SLC16A5: variants seen among roughly 807,000 people sequenced by gnomAD.
SLC16A5 encodes the protein monocarboxylate transporter 6.
Under a neutral mutation model 33.2 loss-of-function variants are expected in SLC16A5, and 29 were observed. The observed-to-expected ratio is 0.87, with a 90% CI of 0.65 to 1.19. SLC16A5 has a LOEUF of 1.19. Ranked by LOEUF, SLC16A5 falls within the 50% of genes most tolerant of loss-of-function variation. SLC16A5 has a pLI of 0.00. For missense variants in SLC16A5, 606 were observed against 678.2 expected (o/e 0.89, Z 1.18); for synonymous variants, 248 against 284.1 (o/e 0.87, Z 1.28).
chr17:75,092,590 G>T (rs1361223473), intron 2 of SLC16A5, among the ~76,000 whole-genome samples: 1 of 152,084 alleles, frequency 6.6e-6, no homozygotes, highest in Non-Finnish European at 1.5e-5. Context: ...CTCCCAAAGT[G>T]CTGGGATTAC....
intron 6 of SLC16A5, chr17:75,104,904 C>T (rs2073844782): frequency 1.0e-6 from 1 of 985,340 alleles, no homozygotes; most frequent in African/African-American, 1.7e-5. Flanking sequence ...TGTGTTGCTG[C>T]TCCTACAGCT....
chr17:75,094,970 G>A (rs1290161030), intron 3 of SLC16A5, among the ~76,000 whole-genome samples: 5 of 152,224 alleles, frequency 3.3e-5, no homozygotes, highest in African/African-American at 4.8e-5. Flanking sequence ...GCTCCTGGGA[G>A]CTCTCCAGGG....
intron 2 of SLC16A5, among the ~76,000 whole-genome samples, chr17:75,089,601 A>C (rs1261120192): frequency 6.6e-6 from 1 of 152,028 alleles, no homozygotes; most frequent in Non-Finnish European, 1.5e-5. Flanking sequence ...TAAAAATACA[A>C]AAATTAGCCA....
chr17:75,093,244 G>A, intron 2 of SLC16A5: 1 of 642,250 alleles, frequency 1.6e-6, no homozygotes, highest in East Asian at 2.7e-5. Context: ...TGACTGAGTG[G>A]GCTAGGAGGT....
chr17:75,093,949 G>A (rs2073681122), intron 3 of SLC16A5, 114 bp downstream of exon 3: 3 of 1,434,286 alleles, frequency 2.1e-6, no homozygotes, highest in Non-Finnish European at 2.8e-6. Flanking sequence ...CCTCCTGGGT[G>A]AATTCCTAAG....
chr17:75,103,869 G>T lies in SLC16A5; in HGVS notation c.1154-101G>T, dbSNP rs73350574. The T allele has an allele frequency of 9.8e-4, 1,007 of 1,025,444 alleles. 5 individuals are homozygous for T. In the African/African-American group the frequency reaches 0.015, roughly 15 times the overall value. 63.5% of individuals were successfully genotyped at this position (1,025,444 alleles called of 1,614,324 possible). ...TACTGGGTGTCAGCCACAATTCCTAGTACAGCAGAGACAAAAATAAAATAC... is the reference window on the plus strand; with the variant it reads ...TACTGGGTGTCAGCCACAATTCCTATTACAGCAGAGACAAAAATAAAATAC... On this transcript the variant is annotated intron_variant, in intron 5 of 6. Coordinates refer to ENST00000329783, the MANE Select transcript of SLC16A5 (RefSeq NM_004695.4).
chr17:75,088,944 ACTT>A (rs1444710253), intron 1 of SLC16A5: 1 of 152,134 alleles, frequency 6.6e-6, no homozygotes, highest in Non-Finnish European at 1.5e-5. Context: ...TATCGTCTAA[ACTT>A]CTCCCTGCCC....
chr17:75,106,440 T>C (rs2073863676), downstream of SLC16A5, among the ~76,000 whole-genome samples: 1 of 152,010 alleles, frequency 6.6e-6, no homozygotes, highest in Non-Finnish European at 1.5e-5. Flanking sequence ...ATGAGCCCAC[T>C]TCCTGAAAAC....
downstream of SLC16A5, among the ~76,000 whole-genome samples, chr17:75,108,636 A>G (rs1229188980): frequency 6.6e-6 from 1 of 152,200 alleles, no homozygotes; most frequent in African/African-American, 2.4e-5. Flanking sequence ...GGGCATTGCA[A>G]TGGTAGTATC....
chr17:75,107,552 C>G (rs890735283), downstream of SLC16A5, among the ~76,000 whole-genome samples: 10 of 152,184 alleles, frequency 6.6e-5, no homozygotes, highest in Non-Finnish European at 1.3e-4. Context: ...TGCCTGTAAT[C>G]CCAGCACTTT....
Position 75,093,683 on chromosome 17 carries a change from T to C in SLC16A5, c.47T>C (p.Val16Ala). 1.9e-6 allele frequency: 3 copies of C among 1,613,914 alleles called. No individual in the cohort carries two copies. Among genetic ancestry groups the C allele is most frequent in the Non-Finnish European group, 1.7e-6 (2 of 1,179,978 alleles). Reference sequence around the variant, plus strand: ...GCAGATGGCAGCTGGGCCTGGGTGGTGCTGCTGGCCACCATGGTGACCCAG... The same window carrying C: ...GCAGATGGCAGCTGGGCCTGGGTGGCGCTGCTGGCCACCATGGTGACCCAG... ...ERADGSWAWV[V>A]LLATMVTQGL... Residue 16 changes from valine (V) to alanine (A), a missense_variant, in exon 3 of 7, where the codon GTG becomes GCG. By Grantham distance (64) the Val-to-Ala change is moderately conservative. Transcript: ENST00000329783.
At chr17:75,093,203 AC>A in intron 2 of SLC16A5, 1 of 579,862 alleles carries the variant, frequency 1.7e-6, no homozygotes, top group Non-Finnish European at 3.1e-6. Context: ...GACTACACTG[AC>A]CCCAGAGGTC....
At chr17:75,105,806 ATGT>A in intron 6 of SLC16A5, 71 bp from the exon 7 acceptor site, 1 of 1,469,534 alleles carries the variant, frequency 6.8e-7, no homozygotes, top group Non-Finnish European at 9.1e-7. Context: ...CAGGTTCAGG[ATGT>A]TGTTTGTTGA....
At chr17:75,105,339 A>G in intron 6 of SLC16A5, 2 of 985,420 alleles carry the variant, frequency 2.0e-6, no homozygotes, top group Non-Finnish European at 2.4e-6. Context: ...GAAGCCAGAC[A>G]TTTGACTGAC....
At chr17:75,109,303 T>G (rs954077735), downstream of SLC16A5, among the ~76,000 whole-genome samples, 1 of 152,126 alleles carries the variant, frequency 6.6e-6, no homozygotes. The surrounding 1 kb of genome is among the most constrained non-coding windows in gnomAD (Gnocchi z 5.0). Context: ...TACCCTTTGA[T>G]TTCTGTCCAG....
At chr17:75,098,666 G>C (rs2073751310) in intron 4 of SLC16A5, among the ~76,000 whole-genome samples, 1 of 152,124 alleles carries the variant, frequency 6.6e-6, no homozygotes, top group South Asian at 2.1e-4. Context: ...ATACCCAGAA[G>C]TGGTTATGAG....
downstream of SLC16A5, among the ~76,000 whole-genome samples, chr17:75,106,355 G>A (rs2073862783): frequency 6.6e-6 from 1 of 152,078 alleles, no homozygotes; most frequent in South Asian, 2.1e-4. Flanking sequence ...CAGTTGAATG[G>A]AAAAGGAGGG....
At chr17:75,097,757 T>G (rs532162624) in intron 3 of SLC16A5, among the ~76,000 whole-genome samples, 5 of 152,188 alleles carry the variant, frequency 3.3e-5, no homozygotes, top group Non-Finnish European at 5.9e-5. Flanking sequence ...GTCTGTGTAG[T>G]TCAGGGTCTT....
rs755399968 is a variant in SLC16A5 at position 75,104,077 on chromosome 17, A to G, written c.1261A>G (p.Lys421Glu). Residue 421 changes from lysine to glutamate, a missense_variant, in exon 6 of 7, where the codon AAG (lysine) becomes GAG (glutamate). Physicochemically the swap from Lys to Glu is moderately conservative, Grantham distance 56 (BLOSUM62 1). Transcript: ENST00000329783. ...GGGTGGCAGCTTCTACGCCCTGCAG[A>G]AGAAGGAGCAAGGCAAGCAGGCTGT... is the stretch of plus-strand genomic sequence containing the variant. ...FMGGSFYALQ[K>E]KEQGKQAVAA... 2.4e-5 allele frequency: 39 copies of G among 1,614,118 alleles called. No homozygotes were observed. In the South Asian group the frequency reaches 3.8e-4, roughly 16 times the overall value.
Sources: gnomAD v4.1 joint callset for allele counts (sites outside exome capture counted in the v4.1 genomes callset) on GRCh38, gnomAD v4.1.1 for gene constraint, Gnocchi (gnomAD v3.1) non-coding constraint, MANE v1.5 for transcripts, NCBI Gene and HGNC (gene_info 2026-07-23, HGNC 2026-07-21) for gene names.